The following BRD10 variants were observed in gnomAD, a reference collection of about 807,000 sequenced individuals.
BRD10 encodes the protein uncharacterized bromodomain-containing protein 10.
chr9:5,918,642 CTTT>C, the BRD10 span, among the ~76,000 whole-genome samples: 20 of 134,002 alleles, frequency 1.5e-4, no homozygotes, highest in South Asian at 2.4e-4. Context: ...CCGTTAGTGG[CTTT>C]TTTTTTTTTT....
At chr9:5,997,220 T>C in the BRD10 span, among the ~76,000 whole-genome samples, 3 of 152,238 alleles carry the variant, frequency 2.0e-5, no homozygotes, top group Non-Finnish European at 4.4e-5. Context: ...AAGTGGCTAT[T>C]ACAGTGTCTA....
chr9:5,879,728 G>A, the BRD10 span, among the ~76,000 whole-genome samples: 4 of 152,144 alleles, frequency 2.6e-5, no homozygotes, highest in African/African-American at 4.8e-5. Flanking sequence ...CAGAGATACA[G>A]AACCAGATAA....
chr9:5,920,490 C>T, the BRD10 span: 5 of 1,613,952 alleles, frequency 3.1e-6, no homozygotes, highest in Non-Finnish European at 4.2e-6. Flanking sequence ...GGGGTTTTTA[C>T]TAAAGCTTGC....
the BRD10 span, among the ~76,000 whole-genome samples, chr9:5,934,090 A>C: frequency 2.6e-5 from 4 of 152,110 alleles, no homozygotes; most frequent in South Asian, 8.3e-4. Context: ...TATGAAGAAA[A>C]AATTAAAATC....
At chr9:5,958,499 G>C in the BRD10 span, among the ~76,000 whole-genome samples, 1 of 152,054 alleles carries the variant, frequency 6.6e-6, no homozygotes, top group Admixed American at 6.6e-5. Context: ...GCCAAGTGTG[G>C]TGGTGCATGC....
the BRD10 span, among the ~76,000 whole-genome samples, chr9:5,945,877 A>C: frequency 6.6e-6 from 1 of 152,050 alleles, no homozygotes; most frequent in African/African-American, 2.4e-5. Context: ...GAAAAGTCTT[A>C]TTGTAATGTT....
the BRD10 span, among the ~76,000 whole-genome samples, chr9:5,904,368 GTTCT>G: frequency 6.6e-6 from 1 of 151,374 alleles, no homozygotes; most frequent in African/African-American, 2.4e-5. Context: ...TGTTGCCTCT[GTTCT>G]TTGTTTCTAT....
At chr9:5,896,374 C>G in the BRD10 span, among the ~76,000 whole-genome samples, 1 of 152,152 alleles carries the variant, frequency 6.6e-6, no homozygotes, top group Non-Finnish European at 1.5e-5. Context: ...ATCTATAAAG[C>G]GGGTGGACTG....
chr9:5,991,741 A>G, the BRD10 span, among the ~76,000 whole-genome samples: 1 of 151,716 alleles, frequency 6.6e-6, no homozygotes, highest in Non-Finnish European at 1.5e-5. Flanking sequence ...AAAAAAAAAA[A>G]AAAAGGCAAA....
the BRD10 span, chr9:5,908,517 G>T: frequency 3.6e-6 from 3 of 836,054 alleles, no homozygotes; most frequent in African/African-American, 1.7e-5. Flanking sequence ...AAATTATATG[G>T]GAACACTTAG....
the BRD10 span, chr9:6,007,467 GCCC>G: frequency 6.2e-7 from 1 of 1,608,896 alleles, no homozygotes; most frequent in Non-Finnish European, 8.5e-7. Flanking sequence ...CGGTGGCAAC[GCCC>G]CCCAAGGGCT....
chr9:5,895,020 C>A, the BRD10 span, among the ~76,000 whole-genome samples: 3 of 152,146 alleles, frequency 2.0e-5, no homozygotes, highest in African/African-American at 7.2e-5. Flanking sequence ...CTGACATTTT[C>A]CTTGAGAACA....
chr9:5,946,303 T>C, the BRD10 span, among the ~76,000 whole-genome samples: 1 of 152,232 alleles, frequency 6.6e-6, no homozygotes, highest in African/African-American at 2.4e-5. Context: ...GGAAAATATG[T>C]ATTTAAATAA....
the BRD10 span, chr9:5,923,035 T>C: frequency 6.2e-7 from 1 of 1,613,982 alleles, no homozygotes; most frequent in Non-Finnish European, 8.5e-7. Context: ...ATGAGGCAAA[T>C]GACTCTGGAA....
chr9:5,981,909 G>C, the BRD10 span, among the ~76,000 whole-genome samples: 1 of 152,072 alleles, frequency 6.6e-6, no homozygotes, highest in East Asian at 1.9e-4. Flanking sequence ...AGAGATAAAA[G>C]ACCATACTTT....
the BRD10 span, among the ~76,000 whole-genome samples, chr9:5,940,922 A>C: frequency 6.6e-6 from 1 of 152,202 alleles, no homozygotes; most frequent in African/African-American, 2.4e-5. Context: ...TATTTATAAG[A>C]CTTTCATTTA....
At chr9:5,892,607 C>T in the BRD10 span, 1 of 1,459,874 alleles carries the variant, frequency 6.8e-7, no homozygotes, top group South Asian at 1.2e-5. Context: ...CTGACACAGC[C>T]TGCTGACTTC....
chr9:5,882,765 A>T, the BRD10 span, among the ~76,000 whole-genome samples: 1 of 152,084 alleles, frequency 6.6e-6, no homozygotes, highest in Non-Finnish European at 1.5e-5. Flanking sequence ...CAGCCATCCC[A>T]TTACTGGGTA....
At chr9:5,955,296 A>C in the BRD10 span, among the ~76,000 whole-genome samples, 4 of 152,130 alleles carry the variant, frequency 2.6e-5, no homozygotes, top group Non-Finnish European at 5.9e-5. Context: ...CTTACAATCT[A>C]CACAAGGGCA....
Sources: gnomAD v4.1 joint callset for allele counts (sites outside exome capture counted in the v4.1 genomes callset) on GRCh38, gnomAD v4.1.1 for gene constraint, MANE v1.5 for transcripts, NCBI Gene and HGNC (gene_info 2026-07-23, HGNC 2026-07-21) for gene names.